The following PDE4D variants were observed in gnomAD, a reference collection of about 807,000 sequenced individuals.
PDE4D encodes the protein phosphodiesterase 4D.
In PDE4D, 24 loss-of-function variants were observed where a neutral mutation model predicts 87.4. The ratio of observed to expected loss-of-function variants is 0.27; its 90% CI spans 0.20 to 0.39. The LOEUF (loss-of-function observed/expected upper bound fraction) is 0.39. Among genes scored for constraint, PDE4D ranks in the 10% least tolerant of loss-of-function variants. The pLI, the probability that PDE4D is intolerant of heterozygous loss-of-function variation, is 1.00. For missense variants in PDE4D, 714 were observed against 1,041.0 expected (o/e 0.69, Z 4.32); for synonymous variants, 384 against 383.2 (o/e 1.00, Z -0.02).
intron 3 of PDE4D, among the ~76,000 whole-genome samples, chr5:59,906,167 A>G (rs1752787523): frequency 6.6e-6 from 1 of 152,146 alleles, no homozygotes; most frequent in South Asian, 2.1e-4. Flanking sequence ...ATGTGTCCTC[A>G]TCTCATAATT....
At chr5:59,276,265 A>G (rs570884570) in intron 1 of PDE4D, 3 of 326,800 alleles carry the variant, frequency 9.2e-6, no homozygotes, top group Non-Finnish European at 1.3e-5. Context: ...CACAAAACTT[A>G]TAAAACCATT....
At chr5:60,051,797 G>C (rs192825241) in intron 2 of PDE4D, among the ~76,000 whole-genome samples, 1 of 151,320 alleles carries the variant, frequency 6.6e-6, no homozygotes, top group African/African-American at 2.4e-5. Flanking sequence ...CCACTAGCCA[G>C]ACTAATAAAG....
intron 1 of PDE4D, among the ~76,000 whole-genome samples, chr5:60,326,717 T>C (rs79492446): frequency 0.058 from 8,839 of 152,194 alleles, 844 homozygotes; most frequent in African/African-American, 0.2. Flanking sequence ...CAGGTTTAAC[T>C]GGTTAAAGAA....
At chr5:60,021,069 T>C (rs959614017) in intron 2 of PDE4D, among the ~76,000 whole-genome samples, 3 of 152,232 alleles carry the variant, frequency 2.0e-5, no homozygotes, top group African/African-American at 4.8e-5. Context: ...GTTCATCTTA[T>C]AGCTGTAGCC....
intron 3 of PDE4D, among the ~76,000 whole-genome samples, chr5:59,915,733 C>T (rs1753965988): frequency 1.3e-5 from 2 of 152,078 alleles, no homozygotes; most frequent in African/African-American, 4.8e-5. Flanking sequence ...CTCTCATATT[C>T]GTGTCTTACT....
At chr5:59,992,757 C>T (rs1449230390) in intron 2 of PDE4D, among the ~76,000 whole-genome samples, 1 of 152,168 alleles carries the variant, frequency 6.6e-6, no homozygotes, top group African/African-American at 2.4e-5. Context: ...GAAGTTTACA[C>T]TCATGCTTAT....
chr5:60,359,750 C>CTA (rs1002743722), intron 1 of PDE4D, among the ~76,000 whole-genome samples: 1 of 152,180 alleles, frequency 6.6e-6, no homozygotes, highest in Non-Finnish European at 1.5e-5. Flanking sequence ...TTGTTGCACA[C>CTA]TATCTGTGCA....
intron 3 of PDE4D, among the ~76,000 whole-genome samples, chr5:59,940,267 G>C (rs1757041217): frequency 6.6e-6 from 1 of 152,216 alleles, no homozygotes; most frequent in South Asian, 2.1e-4. Flanking sequence ...CTCCATAGAA[G>C]AAGGGGGAGG....
At chr5:60,463,771 C>A (rs1363817040) in intron 1 of PDE4D, among the ~76,000 whole-genome samples, 1 of 152,166 alleles carries the variant, frequency 6.6e-6, no homozygotes, top group Non-Finnish European at 1.5e-5. Flanking sequence ...CAAGGCCCCA[C>A]AACAAACAGC....
chr5:59,361,745 C>T (rs1383054527), intron 1 of PDE4D, among the ~76,000 whole-genome samples: 1 of 152,120 alleles, frequency 6.6e-6, no homozygotes, highest in African/African-American at 2.4e-5. Flanking sequence ...GTACTCAGTG[C>T]TTAGCAAACA....
chr5:59,413,634 T>A (rs900324098), intron 1 of PDE4D, among the ~76,000 whole-genome samples: 2 of 152,146 alleles, frequency 1.3e-5, no homozygotes, highest in Non-Finnish European at 2.9e-5. Context: ...GGTTAGCACA[T>A]ATATTGATCT....
At chr5:59,979,196 T>TA (rs1761653450) in intron 3 of PDE4D, among the ~76,000 whole-genome samples, 1 of 152,044 alleles carries the variant, frequency 6.6e-6, no homozygotes, top group African/African-American at 2.4e-5. Context: ...AATCACATGT[T>TA]AACTGAGACA....
rs372372303 is a variant in PDE4D, at chr5:60,493,545, T to G, written n.70+28506A>C. On this transcript the variant is annotated intron_variant and non_coding_transcript_variant, in intron 1 of 2. Transcript: ENST00000506510. ...GAACAGAGTCTGCTTGGTGAAGGAA[T>G]AGCCACCCCAGAGAAGGAGTATGGA... Among the ~76,000 whole-genome samples the G allele has an allele frequency of 7.2e-4, 110 of 152,272 alleles. 2 individuals carry two copies. In the South Asian group the frequency reaches 0.022, roughly 30 times the overall value.
chr5:60,284,676 G>A (rs1164180230), intron 1 of PDE4D, among the ~76,000 whole-genome samples: 1 of 152,132 alleles, frequency 6.6e-6, no homozygotes, highest in Non-Finnish European at 1.5e-5. Context: ...GTGAGAATCT[G>A]TAACACTTTG....
intron 2 of PDE4D, among the ~76,000 whole-genome samples, chr5:59,994,362 A>C (rs962990764): frequency 2.6e-5 from 4 of 151,788 alleles, no homozygotes; most frequent in African/African-American, 9.7e-5. Flanking sequence ...ATATACATAC[A>C]TATGTAAACA....
intron 2 of PDE4D, among the ~76,000 whole-genome samples, chr5:60,047,823 G>GA (rs990484295): frequency 2.0e-5 from 3 of 152,010 alleles, no homozygotes; most frequent in African/African-American, 4.8e-5. Flanking sequence ...GTGTGGTGCT[G>GA]AAAAAAATGT....
chr5:59,126,930 G>A (rs538886955), intron 5 of PDE4D, among the ~76,000 whole-genome samples: 1 of 152,304 alleles, frequency 6.6e-6, no homozygotes, highest in East Asian at 1.9e-4. Flanking sequence ...ACAATTAGGA[G>A]TGGGAAAGAG....
intron 1 of PDE4D, among the ~76,000 whole-genome samples, chr5:59,776,853 T>A (rs1379150434): frequency 6.7e-6 from 1 of 150,336 alleles, no homozygotes; most frequent in East Asian, 1.9e-4. Flanking sequence ...TTTTAATGAA[T>A]GTTTCACGAA....
intron 1 of PDE4D, among the ~76,000 whole-genome samples, chr5:59,447,483 G>A (rs1798519738): frequency 6.6e-6 from 1 of 152,148 alleles, no homozygotes; most frequent in Admixed American, 6.5e-5. Context: ...TGCCCTCCAA[G>A]GGCCCACCAC....
Sources: allele counts gnomAD v4.1 joint callset (sites outside exome capture counted in the v4.1 genomes callset), GRCh38; gene constraint gnomAD v4.1.1; transcripts MANE v1.5; gene names NCBI Gene and HGNC (gene_info 2026-07-23, HGNC 2026-07-21).